Variants in PIK3C2B observed in about 807,000 individuals in gnomAD.
The protein encoded by PIK3C2B is phosphatidylinositol 4-phosphate 3-kinase C2 domain-containing subunit beta.
In PIK3C2B, 83 loss-of-function variants were observed where a neutral mutation model predicts 184.3. That is an observed-to-expected ratio of 0.45 (90% CI 0.38 to 0.54). The LOEUF (loss-of-function observed/expected upper bound fraction) is 0.54, where lower values mean the gene tolerates loss of function less well. Among genes scored for constraint, PIK3C2B ranks in the 20% least tolerant of loss-of-function variants. PIK3C2B has a pLI of 0.00. For synonymous variants in PIK3C2B, 779 were observed against 837.6 expected, an observed-to-expected ratio of 0.93 and a Z score of 1.21; for missense variants, 1,736 against 2,113.5, an observed-to-expected ratio of 0.82 and a Z score of 3.50.
chr1:204,434,890 C>T (rs149770528), intron 23 of PIK3C2B, among the ~76,000 whole-genome samples: 1 of 152,186 alleles, frequency 6.6e-6, no homozygotes, highest in Admixed American at 6.5e-5. Flanking sequence ...CTAGGGAGAT[C>T]GGTTGGAAAG....
chr1:204,438,792 C>G (rs1675487573), intron 23 of PIK3C2B, 143 bp downstream of exon 23: 5 of 798,674 alleles, frequency 6.3e-6, no homozygotes, highest in Admixed American at 2.8e-5. Flanking sequence ...TTGGAGGCAC[C>G]AGTCAACCAA....
rs1306099563 is a variant in PIK3C2B at position 204,447,330 on chromosome 1, G to C, written c.2489+106C>G. 2.7e-6 allele frequency: 3 copies of C among 1,095,598 alleles called. No homozygotes were observed. The African/African-American group carries it at 4.7e-5, about 17-fold the overall frequency. 67.9% of individuals were successfully genotyped at this position (1,095,598 alleles called of 1,614,324 possible). On this transcript the variant is annotated intron_variant, in intron 15 of 32. Coordinates refer to ENST00000684373, the MANE Select transcript of PIK3C2B (RefSeq NM_001377334.1). The surrounding 1 kb of genome is among the most constrained non-coding windows in gnomAD (Gnocchi z 4.1). Reference sequence around the variant, plus strand: ...GCTGCCTCCACTTCCTGCTGAGATGGCAATGCCCACCCCTTCCCACCTCCA... The same window carrying C: ...GCTGCCTCCACTTCCTGCTGAGATGCCAATGCCCACCCCTTCCCACCTCCA...
At position 204,468,940 on chromosome 1, in the gene PIK3C2B, G is replaced by C; in HGVS notation, c.863C>G (p.Thr288Ser). Residue 288 changes from threonine (T) to serine (S), a missense_variant, in exon 2 of 33, where the codon ACC becomes AGC. Around this residue, in one of 8 missense-constraint regions of PIK3C2B, gnomAD observed 404 missense variants for 418.0 expected, o/e 0.97. Coordinates refer to ENST00000684373, the MANE Select transcript of PIK3C2B (RefSeq NM_001377334.1). Reference sequence around the variant, plus strand: ...TCGGTTGCCATAGCGGGAGGCATAGGTGCGGGGGGGCACCTGAGGGGGCAT... The same window carrying C: ...TCGGTTGCCATAGCGGGAGGCATAGCTGCGGGGGGGCACCTGAGGGGGCAT... The part of the protein sequence containing the change: ...KTMPPQVPPR[T>S]YASRYGNRKN... The C allele has an allele frequency of 3.1e-6, 5 of 1,613,972 alleles. No homozygotes were observed. The highest frequency in any genetic ancestry group is 4.2e-6 in the Non-Finnish European group (5 of 1,179,904).
At chr1:204,465,136 C>A in intron 3 of PIK3C2B, 83 bp downstream of exon 3, 1 of 824,082 alleles carries the variant, frequency 1.2e-6, no homozygotes, top group Non-Finnish European at 2.1e-6. Flanking sequence ...CTTCTTCCCT[C>A]CTAAAGAAAG....
At chr1:204,438,872 A>G in intron 23 of PIK3C2B, 63 bp downstream of exon 23, 1 of 1,564,990 alleles carries the variant, frequency 6.4e-7, no homozygotes, top group Non-Finnish European at 8.7e-7. Flanking sequence ...TTGTGGTTAA[A>G]GAGCTGTGTG....
intron 1 of PIK3C2B, among the ~76,000 whole-genome samples, chr1:204,474,759 T>C (rs187051746): frequency 3.3e-4 from 50 of 152,106 alleles, no homozygotes; most frequent in Non-Finnish European, 6.8e-4. Flanking sequence ...CAAATATGTA[T>C]CTCTCCTTCA....
At chr1:204,481,957 A>C (rs898216905) in intron 1 of PIK3C2B, among the ~76,000 whole-genome samples, 3 of 152,156 alleles carry the variant, frequency 2.0e-5, no homozygotes, top group Admixed American at 2.0e-4. Context: ...TCTGATACTC[A>C]CTTACACAGG....
At chr1:204,450,161 C>G in intron 12 of PIK3C2B, 144 bp from the exon 13 acceptor site, 1 of 653,328 alleles carries the variant, frequency 1.5e-6, no homozygotes, top group South Asian at 2.1e-5. Context: ...AAGCCCTCCT[C>G]CTGCAGAACC....
At chr1:204,434,177 T>C (rs963195966) in intron 24 of PIK3C2B, among the ~76,000 whole-genome samples, 2 of 152,244 alleles carry the variant, frequency 1.3e-5, no homozygotes, top group Admixed American at 1.3e-4. Flanking sequence ...GGATATCTGA[T>C]TGCATTCCTT....
At position 204,439,008 on chromosome 1, in the gene PIK3C2B, G is replaced by A; in HGVS notation, c.3443C>T (p.Thr1148Ile). Residue 1148 changes from threonine to isoleucine, a missense_variant, in exon 23 of 33, where the codon ACC becomes ATC. This residue lies in a region of PIK3C2B where 289 missense variants were observed against 380.4 expected (regional missense o/e 0.76). Coordinates refer to ENST00000684373, the MANE Select transcript of PIK3C2B (RefSeq NM_001377334.1). ...CAGGGGCCGGTCCTTGAACGAGCCG[G>A]TCACCCCATGCTCCACCTGGATCTT... ...LRKIQVEHGV[T>I]GSFKDRPLAD... 6.2e-7 allele frequency: 1 copy of A among 1,614,104 alleles called. No individual in the cohort carries two copies. Among genetic ancestry groups the A allele is most frequent in the Non-Finnish European group, 8.5e-7 (1 of 1,180,026 alleles).
chr1:204,457,272 C>CATCG (rs61762601), intron 9 of PIK3C2B, among the ~76,000 whole-genome samples: 1,581 of 152,326 alleles, frequency 0.01, 13 homozygotes, highest in South Asian at 0.018. Context: ...GGATAGCAAT[C>CATCG]ATCGGGTCCA....
chr1:204,459,229 C>A (rs1055000542), intron 8 of PIK3C2B, among the ~76,000 whole-genome samples: 13 of 152,186 alleles, frequency 8.5e-5, no homozygotes, highest in Admixed American at 2.0e-4. Context: ...GTTGCCCAGG[C>A]TGGCCTTGAA....
At chr1:204,445,407 A>G (rs1451171231) in intron 16 of PIK3C2B, among the ~76,000 whole-genome samples, 2 of 152,096 alleles carry the variant, frequency 1.3e-5, no homozygotes, top group African/African-American at 4.8e-5. Context: ...CAGCCTGGGC[A>G]ACATAGTGAG....
chr1:204,454,533 T>C, intron 12 of PIK3C2B, 136 bp downstream of exon 12: 1 of 783,180 alleles, frequency 1.3e-6, no homozygotes. Flanking sequence ...AGAGGTTGAA[T>C]GACTTGTCCA....
intron 15 of PIK3C2B, among the ~76,000 whole-genome samples, chr1:204,446,737 G>A (rs1653904834): frequency 1.3e-5 from 2 of 152,174 alleles, no homozygotes; most frequent in Non-Finnish European, 2.9e-5. Flanking sequence ...CAGAGTGGGG[G>A]AAGGGAGGTC....
At chr1:204,467,619 G>A (rs1655913941) in intron 2 of PIK3C2B, among the ~76,000 whole-genome samples, 1 of 152,146 alleles carries the variant, frequency 6.6e-6, no homozygotes, top group South Asian at 2.1e-4. Context: ...CAGATCACCT[G>A]AGGTCAGGAG....
intron 29 of PIK3C2B, among the ~76,000 whole-genome samples, chr1:204,429,290 C>T (rs1193674918): frequency 6.6e-6 from 1 of 152,112 alleles, no homozygotes; most frequent in Non-Finnish European, 1.5e-5. Context: ...AAAACACATA[C>T]TCTAAATATC....
chr1:204,456,907 C>G, intron 10 of PIK3C2B, 130 bp downstream of exon 10: 1 of 129,890 alleles, frequency 7.7e-6, no homozygotes. Flanking sequence ...CACACACACA[C>G]CCACACACAC....
chr1:204,462,147 G>C (rs1372136387), intron 5 of PIK3C2B, among the ~76,000 whole-genome samples: 1 of 152,138 alleles, frequency 6.6e-6, no homozygotes, highest in Non-Finnish European at 1.5e-5. Flanking sequence ...GCATTCAAGT[G>C]AGAGTATGAG....
Sources: gnomAD v4.1 joint callset for allele counts (sites outside exome capture counted in the v4.1 genomes callset) on GRCh38, gnomAD v4.1.1 for gene constraint, gnomAD v4.1.1 regional missense constraint, Gnocchi (gnomAD v3.1) non-coding constraint, MANE v1.5 for transcripts, NCBI Gene and HGNC (gene_info 2026-07-23, HGNC 2026-07-21) for gene names.